The following SLC6A5 variants were observed in gnomAD, a reference collection of about 807,000 sequenced individuals.
SLC6A5 encodes the protein sodium- and chloride-dependent glycine transporter 2.
SLC6A5 carries 58 observed loss-of-function variants against 90.5 expected under a neutral mutation model. The observed-to-expected ratio is 0.64, with a 90% CI of 0.52 to 0.80. The LOEUF (loss-of-function observed/expected upper bound fraction) is 0.80. Among genes scored for constraint, SLC6A5 ranks in the 30% least tolerant of loss-of-function variants. SLC6A5 has a pLI of 0.00. For missense variants in SLC6A5, 1,015 were observed against 1,017.6 expected, an observed-to-expected ratio of 1.00 and a Z score of 0.03; for synonymous variants, 427 against 401.4, an observed-to-expected ratio of 1.06 and a Z score of -0.76.
intron 3 of SLC6A5, 107 bp from the exon 4 acceptor site, chr11:20,606,883 AGGAATGGAGCTAAATTG>A: frequency 8.3e-7 from 1 of 1,208,162 alleles, no homozygotes; most frequent in Non-Finnish European, 1.2e-6. Context: ...GGGCTTCTTC[AGGAATGGAGCTAAATTG>A]TCCTTTAGTT....
rs137878237 is a variant in SLC6A5, at chr11:20,616,646, C to T, written c.1128-1106C>T. 1.2e-4 allele frequency among the ~76,000 whole-genome samples: 19 copies of T among 152,252 alleles called. 1 individual carries two copies. The East Asian group carries it at 3.1e-3, about 25-fold the overall frequency. ...GCAAATATGGTCCTCAGGGTTTTGCCGTGGAACCAAGTTTAGTTCCAGCCT... is the reference window on the plus strand; with the variant it reads ...GCAAATATGGTCCTCAGGGTTTTGCTGTGGAACCAAGTTTAGTTCCAGCCT... On this transcript the variant is annotated intron_variant, in intron 6 of 15. Coordinates refer to ENST00000525748, the MANE Select transcript of SLC6A5 (RefSeq NM_004211.5).
chr11:20,607,173 C>A (rs1183416934), intron 4 of SLC6A5, 35 bp downstream of exon 4: 5 of 1,578,612 alleles, frequency 3.2e-6, no homozygotes, highest in Non-Finnish European at 4.3e-6. Context: ...TCCTCAGGCC[C>A]TTTCTTACTC....
At chr11:20,637,335 G>T (rs747554809) in intron 12 of SLC6A5, 32 bp downstream of exon 12, 10 of 1,596,534 alleles carry the variant, frequency 6.3e-6, no homozygotes, top group African/African-American at 2.7e-5. Context: ...GGCTTGGGGT[G>T]GGGGCAGGAG....
At chr11:20,616,397 T>G (rs1255511789) in intron 6 of SLC6A5, among the ~76,000 whole-genome samples, 2 of 152,128 alleles carry the variant, frequency 1.3e-5, no homozygotes, top group African/African-American at 4.8e-5. Context: ...TGCAGTCAGG[T>G]GTACTAAAAA....
Position 20,607,142 on chromosome 11 carries a change from A to C in SLC6A5, c.811+4A>C. ...AAGGCCATCCCAGCTCTACAAGGTG[A>C]GTCCAGCCTGCCGCTCAGCCTCCTC... On this transcript the variant is annotated splice_donor_region_variant and intron_variant, in intron 4 of 15. Transcript: ENST00000525748. 6.2e-7 allele frequency: 1 copy of C among 1,611,170 alleles called. No homozygotes were observed.
chr11:20,635,459 G>A (rs1283791689), intron 10 of SLC6A5, among the ~76,000 whole-genome samples: 1 of 152,152 alleles, frequency 6.6e-6, no homozygotes, highest in East Asian at 1.9e-4. Context: ...TACCAATAGT[G>A]CAAGATCCTG....
rs1852423345 is a variant in SLC6A5, at chr11:20,599,798, G to A, written c.3+123G>A. 19 of 1,137,700 alleles carry A rather than the reference G, an allele frequency of 1.7e-5. No homozygotes were observed. The South Asian group carries it at 2.2e-4, about 13-fold the overall frequency. The allele number at this position is 1,137,700 out of a possible 1,614,324, so 70.5% of individuals were successfully genotyped here. A position where few individuals can be genotyped will look rare whatever the true frequency, so the allele number is the denominator to read the frequency against. The stretch of plus-strand genomic sequence containing the variant: ...TGGGTGGGGGGAAAGGGGGCGACGA[G>A]GAGAACAATTCTCGCAGCCCTAGGT... On this transcript the variant is annotated intron_variant, in intron 1 of 15. Coordinates refer to ENST00000525748, the MANE Select transcript of SLC6A5 (RefSeq NM_004211.5).
At chr11:20,636,257 A>G (rs752039360) in intron 10 of SLC6A5, 50 bp from the exon 11 acceptor site, 2 of 1,127,170 alleles carry the variant, frequency 1.8e-6, no homozygotes, top group South Asian at 1.2e-5. Context: ...CTCTGGGAAG[A>G]GCAGCCTTGA....
intron 3 of SLC6A5, among the ~76,000 whole-genome samples, chr11:20,605,483 G>T (rs1180544769): frequency 6.6e-6 from 1 of 152,174 alleles, no homozygotes; most frequent in Non-Finnish European, 1.5e-5. Flanking sequence ...TGCCATCGGG[G>T]GTGCCCTGAA....
intron 10 of SLC6A5, among the ~76,000 whole-genome samples, chr11:20,635,406 C>CA (rs1281181439): frequency 2.0e-5 from 3 of 152,022 alleles, no homozygotes; most frequent in South Asian, 4.1e-4. Flanking sequence ...GCGCCGCCCC[C>CA]CCGCAACCCG....
chr11:20,618,294 A>T (rs1443314095), intron 7 of SLC6A5, among the ~76,000 whole-genome samples: 1 of 152,194 alleles, frequency 6.6e-6, no homozygotes, highest in African/African-American at 2.4e-5. Context: ...TGCTTCTGCC[A>T]AGAAGCTGGC....
At position 20,601,383 on chromosome 11, in the gene SLC6A5, G is replaced by T; in HGVS notation, c.258G>T (p.Arg86=). 1 of 1,603,810 alleles carries T rather than the reference G, an allele frequency of 6.2e-7. No individual in the cohort carries two copies. The highest frequency in any genetic ancestry group is 2.3e-5 in the East Asian group (1 of 44,422). ...GGTCTTGCAAACTCAGTAGCCCGCG[G>T]GCGCAGGCGGCCTCTGCAGCTCTGC... ...GVGSCKLSSP[R]AQAASAALRD... is the part of the protein sequence containing the mutation. The change falls in exon 2 of 16, where the codon CGG becomes CGT. Residue 86 remains arginine (R), a synonymous_variant. Transcript: ENST00000525748.
chr11:20,627,922 C>A, intron 8 of SLC6A5, 58 bp from the exon 9 acceptor site: 2 of 1,321,510 alleles, frequency 1.5e-6, no homozygotes, highest in South Asian at 1.2e-5. Context: ...TGTGACTCCT[C>A]TCCCCTGGCG....
chr11:20,625,343 C>A (rs543474490), intron 7 of SLC6A5, among the ~76,000 whole-genome samples: 2 of 152,262 alleles, frequency 1.3e-5, no homozygotes, highest in African/African-American at 2.4e-5. Context: ...CTCACTGCAA[C>A]CTCCGCCTCC....
chr11:20,650,823 C>T (rs2133823416), intron 14 of SLC6A5, among the ~76,000 whole-genome samples: 1 of 151,982 alleles, frequency 6.6e-6, no homozygotes, highest in Non-Finnish European at 1.5e-5. Context: ...CCCGCTACCA[C>T]GCCCGGCTAA....
At chr11:20,611,281 C>T (rs1261985476) in intron 5 of SLC6A5, among the ~76,000 whole-genome samples, 3 of 152,046 alleles carry the variant, frequency 2.0e-5, no homozygotes, top group Non-Finnish European at 2.9e-5. Flanking sequence ...ACGGCAAAAC[C>T]CTGTCTCTAC....
At chr11:20,615,265 G>A (rs1026631849) in intron 6 of SLC6A5, among the ~76,000 whole-genome samples, 1 of 152,008 alleles carries the variant, frequency 6.6e-6, no homozygotes, top group Non-Finnish European at 1.5e-5. Flanking sequence ...TTTAATATCA[G>A]TATTGCTAGG....
At chr11:20,633,693 A>C (rs4923601) in intron 10 of SLC6A5, among the ~76,000 whole-genome samples, 107,676 of 152,116 alleles carry the variant, frequency 0.71, 38,260 homozygotes, top group African/African-American at 0.76. Context: ...TTCTGAGTTC[A>C]TAGTATGTCC....
At chr11:20,614,132 A>T (rs1852742041) in intron 5 of SLC6A5, among the ~76,000 whole-genome samples, 1 of 152,170 alleles carries the variant, frequency 6.6e-6, no homozygotes, top group Admixed American at 6.5e-5. Flanking sequence ...ATGTGGTGCC[A>T]GGCAGTGGGT....
Sources: gnomAD v4.1 joint callset for allele counts (sites outside exome capture counted in the v4.1 genomes callset) on GRCh38, gnomAD v4.1.1 for gene constraint, MANE v1.5 for transcripts, NCBI Gene and HGNC (gene_info 2026-07-23, HGNC 2026-07-21) for gene names.